GALNTL6: variants seen among roughly 807,000 people sequenced by gnomAD.
The protein encoded by GALNTL6 is polypeptide N-acetylgalactosaminyltransferase-like 6.
Under a neutral mutation model 73.7 loss-of-function variants are expected in GALNTL6, and 46 were observed. The ratio of observed to expected loss-of-function variants is 0.62; its 90% CI spans 0.49 to 0.80. The LOEUF is 0.80. Among genes scored for constraint, GALNTL6 ranks in the 30% least tolerant of loss-of-function variants. The pLI is 0.00. For synonymous variants in GALNTL6, 259 were observed against 263.7 expected, an observed-to-expected ratio of 0.98 and a Z score of 0.17; for missense variants, 604 against 755.0, an observed-to-expected ratio of 0.80 and a Z score of 2.34.
At chr4:171,814,831 A>C (rs979839374) in intron 2 of GALNTL6, 113 bp downstream of exon 2, 1 of 1,026,842 alleles carries the variant, frequency 9.7e-7, no homozygotes, top group African/African-American at 1.6e-5. Flanking sequence ...AAGTCTTGAC[A>C]GAGCTGATTA....
At chr4:172,273,222 T>G (rs1197639679) in intron 3 of GALNTL6, among the ~76,000 whole-genome samples, 1 of 152,174 alleles carries the variant, frequency 6.6e-6, no homozygotes, top group Non-Finnish European at 1.5e-5. Flanking sequence ...TCAACAAATA[T>G]TTTTAAAAAA....
chr4:172,990,325 T>A (rs1298259790), intron 10 of GALNTL6, among the ~76,000 whole-genome samples: 2 of 152,358 alleles, frequency 1.3e-5, no homozygotes, highest in East Asian at 1.9e-4. Context: ...AATATTTTTT[T>A]AATTTTTGTT....
intron 5 of GALNTL6, among the ~76,000 whole-genome samples, chr4:172,629,005 CA>C: frequency 6.6e-6 from 1 of 152,158 alleles, no homozygotes; most frequent in East Asian, 1.9e-4. Flanking sequence ...TTCTGATTTA[CA>C]CTCTGGGAGT....
At chr4:172,728,894 G>C (rs574833227) in intron 5 of GALNTL6, among the ~76,000 whole-genome samples, 1 of 152,230 alleles carries the variant, frequency 6.6e-6, no homozygotes, top group Non-Finnish European at 1.5e-5. Context: ...GTTGTTGCCT[G>C]TCTTTTTGAT....
At chr4:172,470,628 A>T (rs1460234166) in intron 5 of GALNTL6, among the ~76,000 whole-genome samples, 1 of 152,186 alleles carries the variant, frequency 6.6e-6, no homozygotes, top group Admixed American at 6.5e-5. Flanking sequence ...AGCCATATGG[A>T]TTTTGACAAC....
intron 2 of GALNTL6, among the ~76,000 whole-genome samples, chr4:171,990,107 G>A (rs1451665754): frequency 6.6e-6 from 1 of 152,154 alleles, no homozygotes; most frequent in East Asian, 1.9e-4. Context: ...TCGGCCTGCT[G>A]AGGAGCAGCC....
At chr4:172,678,428 C>A (rs779353965) in intron 5 of GALNTL6, among the ~76,000 whole-genome samples, 1 of 151,610 alleles carries the variant, frequency 6.6e-6, no homozygotes, top group Non-Finnish European at 1.5e-5. Context: ...TCACCGCAAC[C>A]TCTGCCTCCC....
At chr4:171,995,553 A>G (rs1486625231) in intron 2 of GALNTL6, among the ~76,000 whole-genome samples, 1 of 152,066 alleles carries the variant, frequency 6.6e-6, no homozygotes, top group Non-Finnish European at 1.5e-5. Flanking sequence ...TTATTATGTG[A>G]CAAAAACCAG....
chr4:172,830,410 A>T (rs992812173), intron 7 of GALNTL6, among the ~76,000 whole-genome samples: 20 of 136,168 alleles, frequency 1.5e-4, no homozygotes, highest in Non-Finnish European at 3.1e-4. Context: ...TAAAAACGAC[A>T]GTTTACTCAA....
intron 2 of GALNTL6, among the ~76,000 whole-genome samples, chr4:171,903,476 G>C (rs111359781): frequency 0.036 from 5,498 of 152,112 alleles, 316 homozygotes; most frequent in African/African-American, 0.12. Flanking sequence ...AATCCCTCAC[G>C]TGGCTCGGAG....
chr4:171,851,880 A>T (rs562015230), intron 2 of GALNTL6, among the ~76,000 whole-genome samples: 19 of 152,336 alleles, frequency 1.2e-4, no homozygotes, highest in African/African-American at 4.3e-4. Context: ...AAAGTTAAAG[A>T]TTTAGAATAT....
intron 2 of GALNTL6, among the ~76,000 whole-genome samples, chr4:172,006,982 A>T (rs1246293241): frequency 6.6e-6 from 1 of 152,216 alleles, no homozygotes; most frequent in African/African-American, 2.4e-5. Context: ...TTTAAAGTTA[A>T]TATGTAAAGC....
intron 10 of GALNTL6, among the ~76,000 whole-genome samples, chr4:173,000,356 A>T (rs1256771315): frequency 6.6e-6 from 1 of 152,212 alleles, no homozygotes; most frequent in African/African-American, 2.4e-5. Context: ...ACATTTAACA[A>T]ATGGGTCTAA....
At chr4:172,291,952 C>G (rs1739492447) in intron 3 of GALNTL6, among the ~76,000 whole-genome samples, 1 of 152,100 alleles carries the variant, frequency 6.6e-6, no homozygotes, top group Non-Finnish European at 1.5e-5. Context: ...CTAAACCTGT[C>G]ATTGCATATA....
chr4:172,400,965 A>T (rs1383736966), intron 5 of GALNTL6, among the ~76,000 whole-genome samples: 1 of 152,208 alleles, frequency 6.6e-6, no homozygotes, highest in Non-Finnish European at 1.5e-5. Flanking sequence ...TTTCACTACA[A>T]ATGATAAATG....
At chr4:172,011,922 G>C (rs908634046) in intron 2 of GALNTL6, among the ~76,000 whole-genome samples, 3 of 152,000 alleles carry the variant, frequency 2.0e-5, no homozygotes, top group Admixed American at 6.6e-5. Flanking sequence ...GGGTGAGAAA[G>C]GTGACATATG....
intron 2 of GALNTL6, among the ~76,000 whole-genome samples, chr4:171,963,415 T>C (rs1475909239): frequency 6.6e-6 from 1 of 152,158 alleles, no homozygotes; most frequent in East Asian, 1.9e-4. Context: ...AAAAGCTATA[T>C]AGTTATTTAA....
At chr4:171,855,946 A>G (rs1358835306) in intron 2 of GALNTL6, among the ~76,000 whole-genome samples, 4 of 152,172 alleles carry the variant, frequency 2.6e-5, no homozygotes, top group Non-Finnish European at 5.9e-5. Flanking sequence ...CTCATTTTAA[A>G]ATTGAATTTT....
At chr4:172,406,854 T>A (rs1744255963) in intron 5 of GALNTL6, among the ~76,000 whole-genome samples, 1 of 152,032 alleles carries the variant, frequency 6.6e-6, no homozygotes, top group East Asian at 1.9e-4. Flanking sequence ...TTAAGTTTAT[T>A]CATAGTTTCA....
Sources: allele counts gnomAD v4.1 joint callset (sites outside exome capture counted in the v4.1 genomes callset), GRCh38; gene constraint gnomAD v4.1.1; transcripts MANE v1.5; gene names NCBI Gene and HGNC (gene_info 2026-07-23, HGNC 2026-07-21).